TTC23: variants seen among roughly 807,000 people sequenced by gnomAD.
TTC23 encodes the protein tetratricopeptide repeat protein 23.
TTC23 carries 58 observed loss-of-function variants against 55.1 expected under a neutral mutation model. The observed-to-expected ratio is 1.05, with a 90% CI of 0.85 to 1.31. The LOEUF (loss-of-function observed/expected upper bound fraction) is 1.31. Among genes scored for constraint, TTC23 ranks in the 50% most tolerant of loss-of-function variants. The probability of loss-of-function intolerance (pLI) is 0.00; values close to 1 mark genes in which losing one functional copy is unlikely to be tolerated. For synonymous variants in TTC23, 203 were observed against 199.9 expected, an observed-to-expected ratio of 1.02 and a Z score of -0.13; for missense variants, 516 against 534.4, an observed-to-expected ratio of 0.97 and a Z score of 0.34.
intron 9 of TTC23, among the ~76,000 whole-genome samples, chr15:99,184,728 G>C (rs2074500897): frequency 6.6e-6 from 1 of 152,276 alleles, no homozygotes; most frequent in South Asian, 2.1e-4. Context: ...GTTGGAATGA[G>C]TTAAGACTCT....
chr15:99,183,292 T>C (rs2074324730), intron 9 of TTC23, among the ~76,000 whole-genome samples: 1 of 151,912 alleles, frequency 6.6e-6, no homozygotes, highest in Non-Finnish European at 1.5e-5. Context: ...AGAGAAGATT[T>C]AGGGCATCTG....
intron 9 of TTC23, among the ~76,000 whole-genome samples, chr15:99,182,148 C>A (rs1265524856): frequency 6.6e-6 from 1 of 151,910 alleles, no homozygotes; most frequent in Non-Finnish European, 1.5e-5. Flanking sequence ...CTCCTTCCCC[C>A]TTCTACCTGC....
chr15:99,149,817 T>TG (rs1296835603), intron 12 of TTC23, among the ~76,000 whole-genome samples: 1 of 152,198 alleles, frequency 6.6e-6, no homozygotes, highest in Non-Finnish European at 1.5e-5. Context: ...GAGTGTACGG[T>TG]GGGGCACATG....
At chr15:99,197,425 C>G (rs572308272) in intron 9 of TTC23, among the ~76,000 whole-genome samples, 1 of 151,750 alleles carries the variant, frequency 6.6e-6, no homozygotes, top group Non-Finnish European at 1.5e-5. Flanking sequence ...TATCATCACC[C>G]CAGTATTCAC....
chr15:99,218,174 G>A (rs961655802), intron 8 of TTC23, among the ~76,000 whole-genome samples: 5 of 152,188 alleles, frequency 3.3e-5, no homozygotes, highest in Non-Finnish European at 7.3e-5. Flanking sequence ...CAATCCTTTC[G>A]TGATCATGGA....
chr15:99,177,663 T>A (rs1478356035), intron 9 of TTC23, among the ~76,000 whole-genome samples: 2 of 152,244 alleles, frequency 1.3e-5, no homozygotes, highest in African/African-American at 4.8e-5. Context: ...ACTCATATGA[T>A]GCAAAGACAT....
intron 9 of TTC23, among the ~76,000 whole-genome samples, chr15:99,193,834 C>T (rs1658040834): frequency 6.6e-6 from 1 of 151,836 alleles, no homozygotes; most frequent in Admixed American, 6.6e-5. Context: ...ATAGTGAAAC[C>T]CCATCTCTAC....
intron 9 of TTC23, among the ~76,000 whole-genome samples, chr15:99,180,345 A>T (rs1424576690): frequency 3.5e-5 from 5 of 141,450 alleles, no homozygotes; most frequent in African/African-American, 1.3e-4. Flanking sequence ...GTCATTAATT[A>T]AAAAAAAAAA....
Position 99,227,938 on chromosome 15 carries a change from C to T in TTC23, c.180+595G>A, listed in dbSNP as rs75729495. ...CTTCGTGTTTTGCATCTATGTCACT[C>T]GAGCTCTCACAGAACTCATCAACCT... is the stretch of plus-strand genomic sequence containing the variant. On this transcript the variant is annotated intron_variant, in intron 5 of 13. Transcript: ENST00000394132. Among the ~76,000 whole-genome samples the T allele has an allele frequency of 4.9e-3, 746 of 152,294 alleles. 3 individuals carry two copies. The highest frequency in any genetic ancestry group is 0.01 in the Middle Eastern group (3 of 294).
At chr15:99,187,255 T>C (rs2151958349) in intron 9 of TTC23, among the ~76,000 whole-genome samples, 1 of 151,826 alleles carries the variant, frequency 6.6e-6, no homozygotes, top group Middle Eastern at 3.4e-3. Flanking sequence ...TGGATAGCCA[T>C]ATGCCCCTCT....
chr15:99,185,889 C>T (rs1459873661), intron 9 of TTC23, among the ~76,000 whole-genome samples: 1 of 152,122 alleles, frequency 6.6e-6, no homozygotes, highest in African/African-American at 2.4e-5. Flanking sequence ...GAGTTAATCA[C>T]TAAAATGCTT....
chr15:99,179,996 A>C (rs958212921), intron 9 of TTC23, among the ~76,000 whole-genome samples: 3 of 152,242 alleles, frequency 2.0e-5, no homozygotes, highest in Non-Finnish European at 4.4e-5. Context: ...ACCCTGTTAC[A>C]TGCATCTGAG....
intron 13 of TTC23, among the ~76,000 whole-genome samples, chr15:99,138,931 CT>C (rs1367762392): frequency 1.3e-5 from 2 of 152,186 alleles, no homozygotes; most frequent in Non-Finnish European, 2.9e-5. Flanking sequence ...AGGGGCCAGC[CT>C]TTAAGGTCAG....
rs140295292 is a variant in TTC23 at position 99,182,003 on chromosome 15, T to C, written c.760-6848A>G. 2.9e-3 allele frequency among the ~76,000 whole-genome samples: 436 copies of C among 152,306 alleles called. 2 individuals carry two copies. The highest frequency in any genetic ancestry group is 8.7e-3 in the African/African-American group (363 of 41,552). ...ACAAAATAGATACCTCAAGGGCTTA[T>C]ATTTTCTTCGTTTGGTTGCAAGTAT... On this transcript the variant is annotated intron_variant, in intron 9 of 13. Transcript: ENST00000394132.
At chr15:99,207,014 T>A (rs573118465) in intron 8 of TTC23, among the ~76,000 whole-genome samples, 11 of 152,304 alleles carry the variant, frequency 7.2e-5, no homozygotes, top group African/African-American at 1.9e-4. Flanking sequence ...CCATTTTCAT[T>A]TGTTTCAAGA....
intron 12 of TTC23, among the ~76,000 whole-genome samples, chr15:99,150,279 C>T (rs1186130608): frequency 1.3e-5 from 2 of 152,214 alleles, no homozygotes; most frequent in Non-Finnish European, 2.9e-5. Context: ...TCTTGGTCCA[C>T]TCCATTCCAT....
In TTC23 at chr15:99,199,717, T is replaced by G. The variant is rs1237356196; in HGVS notation, c.759+202A>C. On this transcript the variant is annotated intron_variant, in intron 9 of 13. Coordinates refer to ENST00000394132, the MANE Select transcript of TTC23 (RefSeq NM_001288615.3). ...TCAGGCTGTTTGTGGTTTGTGCAAC[T>G]ACTAACAGGGGACAAGTACCAGCAC... Among the ~76,000 whole-genome samples, 3 of 152,178 alleles carry G rather than the reference T, an allele frequency of 2.0e-5. No homozygotes were observed. The South Asian group carries it at 6.2e-4, about 31-fold the overall frequency.
chr15:99,232,786 G>C (rs533234813), intron 4 of TTC23, among the ~76,000 whole-genome samples: 9 of 152,182 alleles, frequency 5.9e-5, no homozygotes, highest in African/African-American at 1.7e-4. Flanking sequence ...CCCACTACTG[G>C]GTGATACATC....
intron 3 of TTC23, among the ~76,000 whole-genome samples, chr15:99,237,666 C>T (rs1567560785): frequency 6.6e-6 from 1 of 151,982 alleles, no homozygotes; most frequent in Non-Finnish European, 1.5e-5. Context: ...GGACGGGACA[C>T]AAGAGGGAGG....
Sources: gnomAD v4.1 joint callset for allele counts (sites outside exome capture counted in the v4.1 genomes callset) on GRCh38, gnomAD v4.1.1 for gene constraint, MANE v1.5 for transcripts, NCBI Gene and HGNC (gene_info 2026-07-23, HGNC 2026-07-21) for gene names.